Variants in NKD2 observed in about 807,000 individuals in gnomAD.
NKD2 encodes the protein protein naked cuticle homolog 2.
A neutral mutation model predicts 34.8 loss-of-function variants in NKD2; 43 were observed. That is an observed-to-expected ratio of 1.24 (90% CI 0.97 to 1.60). NKD2 has a LOEUF of 1.60. NKD2 is among the 40% of genes most tolerant of loss of function. The probability of loss-of-function intolerance (pLI) is 0.00; values close to 1 mark genes in which losing one functional copy is unlikely to be tolerated. For missense variants in NKD2, 675 were observed against 627.1 expected, an observed-to-expected ratio of 1.08 and a Z score of -0.82; for synonymous variants, 278 against 265.1, an observed-to-expected ratio of 1.05 and a Z score of -0.47.
rs201228763 is a variant in NKD2, at chr5:1,036,348, G to A, written c.751G>A (p.Ala251Thr). The change falls in exon 9 of 10, where the codon GCC becomes ACC. Residue 251 changes from alanine (A) to threonine (T), a missense_variant. Transcript: ENST00000296849. ...GCGCAGAAACCACTACCTGGACCTC[G>A]CCGGGATTGAGAACTACACGTCCAG... ...TERRNHYLDL[A>T]GIENYTSRFG... 1.9e-6 allele frequency: 3 copies of A among 1,612,978 alleles called. No homozygotes were observed. Among genetic ancestry groups the A allele is most frequent in the African/African-American group, 1.3e-5 (1 of 75,012 alleles).
Position 1,009,561 on chromosome 5 carries a change from G to A in NKD2, c.141+1G>A. Reference sequence around the variant, plus strand: ...GGAGCGGCGCGCGCGGGACAAGCAGGTAGGCGGCGGGGCGGAGGCTGGGGT... The same window carrying A: ...GGAGCGGCGCGCGCGGGACAAGCAGATAGGCGGCGGGGCGGAGGCTGGGGT... On this transcript the variant is annotated splice_donor_variant, in intron 3 of 9. Coordinates refer to ENST00000296849, the MANE Select transcript of NKD2 (RefSeq NM_033120.4). LOFTEE classifies it high-confidence loss of function. The surrounding 1 kb of genome is among the most constrained non-coding windows in gnomAD (Gnocchi z 6.9). The A allele has an allele frequency of 6.8e-7, 1 of 1,479,074 alleles. No individual in the cohort carries two copies. The highest frequency in any genetic ancestry group is 8.9e-7 in the Non-Finnish European group (1 of 1,124,620). The allele number at this position is 1,479,074 out of a possible 1,614,324, so 91.6% of individuals were successfully genotyped here. A position where few individuals can be genotyped will look rare whatever the true frequency, so the allele number is the denominator to read the frequency against.
intron 3 of NKD2, among the ~76,000 whole-genome samples, chr5:1,030,698 G>A (rs1756612353): frequency 6.6e-6 from 1 of 152,200 alleles, no homozygotes; most frequent in Non-Finnish European, 1.5e-5. Flanking sequence ...GGGCCCCTCA[G>A]GCTGCAGCAG....
intron 3 of NKD2, among the ~76,000 whole-genome samples, chr5:1,021,629 G>T (rs1037949109): frequency 6.6e-6 from 1 of 151,812 alleles, no homozygotes; most frequent in African/African-American, 2.4e-5. Context: ...CATTGAAACC[G>T]AGACTTTGAC....
At position 1,035,373 on chromosome 5, in the gene NKD2, A is replaced by C. The variant is rs1733845772; in HGVS notation, c.575-16A>C. 4.5e-6 allele frequency: 7 copies of C among 1,551,398 alleles called. No individual in the cohort carries two copies. Among genetic ancestry groups the C allele is most frequent in the African/African-American group, 1.4e-5 (1 of 73,132 alleles). ...AAGGAGGGAGGGAGTGAGTAATGGC[A>C]GGACCCCCCTTTCAGACCGGGAGCC... On this transcript the variant is annotated splice_polypyrimidine_tract_variant and intron_variant, in intron 7 of 9. Transcript: ENST00000296849.
At chr5:1,037,512 C>A in intron 9 of NKD2, 1 of 1,534,170 alleles carries the variant, frequency 6.5e-7, no homozygotes, top group Non-Finnish European at 8.7e-7. Flanking sequence ...CCACGGCGCC[C>A]CAAGCAGGGT....
intron 3 of NKD2, among the ~76,000 whole-genome samples, chr5:1,028,306 G>T (rs923644440): frequency 3.3e-5 from 5 of 152,194 alleles, no homozygotes; most frequent in Admixed American, 6.5e-5. Flanking sequence ...TGAAGCAAAG[G>T]CTACCTGTTG....
chr5:1,021,373 C>A (rs1483949868), intron 3 of NKD2, among the ~76,000 whole-genome samples: 6 of 129,044 alleles, frequency 4.6e-5, no homozygotes, highest in Admixed American at 2.3e-4. Context: ...CCCCTCCACC[C>A]ACCCACCCAC....
At chr5:1,032,354 A>C (rs1037113285) in intron 4 of NKD2, 142 bp downstream of exon 4, 18 of 697,472 alleles carry the variant, frequency 2.6e-5, no homozygotes, top group Non-Finnish European at 4.3e-5. Flanking sequence ...TGTTCTTAAA[A>C]AGCCTTGGCA....
At chr5:1,031,630 G>A (rs936506479) in intron 3 of NKD2, among the ~76,000 whole-genome samples, 27 of 152,198 alleles carry the variant, frequency 1.8e-4, no homozygotes, top group Non-Finnish European at 8.8e-5. Context: ...TGTGAGCTTC[G>A]GCTCAGCTGA....
rs779863978 is a variant in NKD2 at position 1,037,942 on chromosome 5, G to A, written c.925G>A (p.Ala309Thr). Reference sequence around the variant, plus strand: ...GGTGCTGGTGGAACACGTCGTGCCAGCCTCGGAGCCTGCTGCCCGGGCCCT... The same window carrying A: ...GGTGCTGGTGGAACACGTCGTGCCAACCTCGGAGCCTGCTGCCCGGGCCCT... ...SQVLVEHVVP[A>T]SEPAARALDT... is the part of the protein sequence containing the mutation. The change falls in exon 10 of 10, where the codon GCC (alanine) becomes ACC (threonine). Residue 309 changes from alanine (A) to threonine (T), a missense_variant. By Grantham distance (58) the Ala-to-Thr change is moderately conservative (BLOSUM62 0). Coordinates refer to ENST00000296849, the MANE Select transcript of NKD2 (RefSeq NM_033120.4). 1.1e-5 allele frequency: 18 copies of A among 1,606,534 alleles called. No individual in the cohort carries two copies. Among genetic ancestry groups the A allele is most frequent in the Non-Finnish European group, 1.4e-5 (17 of 1,178,716 alleles).
Position 1,008,831 on chromosome 5 carries a change from C to T in NKD2, c.-227C>T. ...GGAGCCGGGCCGCCGTCGCTGCCGC[C>T]GCTGTCCCCGCGCCCTGCGCCCGGT... On this transcript the variant is annotated 5_prime_UTR_variant, in exon 1 of 10. Transcript: ENST00000296849. The T allele has an allele frequency of 7.0e-6, 2 of 287,066 alleles. No homozygotes were observed. The allele number at this position is 287,066 out of a possible 1,614,324, so 17.8% of individuals were successfully genotyped here.
At position 1,034,737 on chromosome 5, in the gene NKD2, A is replaced by T. The variant is rs779764261; in HGVS notation, c.427-19A>T. 3.7e-6 allele frequency: 6 copies of T among 1,603,714 alleles called. No homozygotes were observed. In the South Asian group the frequency reaches 6.6e-5, roughly 18 times the overall value. On this transcript the variant is annotated intron_variant, in intron 6 of 9. Coordinates refer to ENST00000296849, the MANE Select transcript of NKD2 (RefSeq NM_033120.4). ...CCCCTGGGGTCTGCTCTGTCAGTGA[A>T]ACTGATGCCGGGCCCCAGGACATGT...
At chr5:1,018,020 C>T (rs992909305) in intron 3 of NKD2, among the ~76,000 whole-genome samples, 2 of 150,848 alleles carry the variant, frequency 1.3e-5, no homozygotes, top group African/African-American at 5.0e-5. Context: ...GGAAGCGTGG[C>T]CCCCCAGAGG....
In NKD2 at chr5:1,035,472, AGGTGAGGGCTGGGGTGCCAG is replaced by A; in HGVS notation, c.659+4_659+23del. The A allele has an allele frequency of 6.4e-7, 1 of 1,552,912 alleles. No individual in the cohort carries two copies. ...TGACAGGAGGTTGTCTGCACACGTC[AGGTGAGGGCTGGGGTGCCAG>A]GGTGGGGCTGTGCCTTAGGCGGGGG... On this transcript the variant is annotated splice_donor_variant and splice_donor_5th_base_variant and coding_sequence_variant and intron_variant, in exon 8 of 10. Coordinates refer to ENST00000296849, the MANE Select transcript of NKD2 (RefSeq NM_033120.4). LOFTEE classifies it high-confidence loss of function.
chr5:1,014,620 A>G (rs533077993), intron 3 of NKD2, among the ~76,000 whole-genome samples: 1 of 152,282 alleles, frequency 6.6e-6, no homozygotes, highest in African/African-American at 2.4e-5. Context: ...CAGTAAGTCC[A>G]TGGCCACCCC....
At chr5:1,028,205 C>T (rs1756501807) in intron 3 of NKD2, among the ~76,000 whole-genome samples, 1 of 152,172 alleles carries the variant, frequency 6.6e-6, no homozygotes, top group African/African-American at 2.4e-5. Flanking sequence ...GATGTCCTCA[C>T]TGTCGTGGCG....
intron 8 of NKD2, chr5:1,035,954 G>A (rs1733894823): frequency 7.0e-6 from 3 of 425,968 alleles, no homozygotes; most frequent in Non-Finnish European, 1.2e-5. Context: ...CTGGCGCAGT[G>A]GCTACAGTGG....
Position 1,009,709 on chromosome 5 carries a change from C to A in NKD2, c.141+149C>A. 1 of 621,358 alleles carries A rather than the reference C, an allele frequency of 1.6e-6. No homozygotes were observed. The highest frequency in any genetic ancestry group is 2.5e-6 in the Non-Finnish European group (1 of 396,334). 38.5% of individuals were successfully genotyped at this position (621,358 alleles called of 1,614,324 possible). A position where few individuals can be genotyped will look rare whatever the true frequency, so the allele number is the denominator to read the frequency against. ...GTGACCGGGGGCCAGGAGAGCCAGT[C>A]TCTCCCCAGCCTCCACGACGTCTGG... On this transcript the variant is annotated intron_variant, in intron 3 of 9. Transcript: ENST00000296849. The surrounding 1 kb of genome is among the most constrained non-coding windows in gnomAD (Gnocchi z 6.9).
In NKD2 at chr5:1,036,179, C is replaced by T. The variant is rs1733907545; in HGVS notation, c.660-78C>T. On this transcript the variant is annotated intron_variant, in intron 8 of 9. Transcript: ENST00000296849. The stretch of plus-strand genomic sequence containing the variant: ...AGGATGCACCCCGGACCCCTGCCGC[C>T]TGCTGTAGGCACCCCGTCATCAGGG... 5 of 1,433,474 alleles carry T rather than the reference C, an allele frequency of 3.5e-6. No homozygotes were observed. In the South Asian group the frequency reaches 4.7e-5, roughly 13 times the overall value. 88.8% of individuals were successfully genotyped at this position (1,433,474 alleles called of 1,614,324 possible). A position where few individuals can be genotyped will look rare whatever the true frequency, so the allele number is the denominator to read the frequency against.
Sources: allele counts gnomAD v4.1 joint callset (sites outside exome capture counted in the v4.1 genomes callset), GRCh38; gene constraint gnomAD v4.1.1; non-coding constraint Gnocchi (gnomAD v3.1); transcripts MANE v1.5; gene names NCBI Gene and HGNC (gene_info 2026-07-23, HGNC 2026-07-21).